The following CACNA2D1 variants were observed in gnomAD, a reference collection of about 807,000 sequenced individuals.
The protein encoded by CACNA2D1 is calcium voltage-gated channel auxiliary subunit alpha2delta 1, also known as voltage-dependent calcium channel subunit alpha-2/delta-1.
A neutral mutation model predicts 171.5 loss-of-function variants in CACNA2D1; 53 were observed. The observed-to-expected ratio is 0.31, with a 90% confidence interval of 0.25 to 0.39. The LOEUF (loss-of-function observed/expected upper bound fraction) is 0.39. Ranked by LOEUF, CACNA2D1 falls within the 10% of genes least tolerant of loss-of-function variation. CACNA2D1 has a pLI of 1.00. For missense variants in CACNA2D1, 903 were observed against 1,299.8 expected, an observed-to-expected ratio of 0.69 and a Z score of 4.69; for synonymous variants, 442 against 443.1, an observed-to-expected ratio of 1.00 and a Z score of 0.03.
At chr7:82,036,120 T>C (rs926975545) in intron 11 of CACNA2D1, among the ~76,000 whole-genome samples, 1 of 152,186 alleles carries the variant, frequency 6.6e-6, no homozygotes, top group Non-Finnish European at 1.5e-5. Context: ...TCAGAGAATG[T>C]AGAGTCACCT....
At chr7:82,259,182 A>G (rs940366122) in intron 3 of CACNA2D1, among the ~76,000 whole-genome samples, 1 of 151,342 alleles carries the variant, frequency 6.6e-6, no homozygotes, top group Non-Finnish European at 1.5e-5. Context: ...TGAATAAACA[A>G]TGAGATAGAT....
rs777084699 is a variant in CACNA2D1, at chr7:82,084,945, T to A, written c.527-45A>T. 3 of 1,443,318 alleles carry A rather than the reference T, an allele frequency of 2.1e-6. No homozygotes were observed. In the South Asian group the frequency reaches 3.4e-5, roughly 17 times the overall value. 89.4% of individuals were successfully genotyped at this position (1,443,318 alleles called of 1,614,324 possible). On this transcript the variant is annotated intron_variant, in intron 6 of 38. Coordinates refer to ENST00000356860, the MANE Select transcript of CACNA2D1 (RefSeq NM_000722.4). ...CCATTAATTAATTCAAATTTGTAATTAAAAACTGAATGTCTTCATTTATTT... is the reference window on the plus strand; with the variant it reads ...CCATTAATTAATTCAAATTTGTAATAAAAAACTGAATGTCTTCATTTATTT...
At chr7:81,968,606 A>C (rs927646356) in intron 29 of CACNA2D1, among the ~76,000 whole-genome samples, 4 of 151,342 alleles carry the variant, frequency 2.6e-5, no homozygotes, top group African/African-American at 4.8e-5. Flanking sequence ...TCCAACATTA[A>C]AAATTTTGAT....
intron 4 of CACNA2D1, among the ~76,000 whole-genome samples, chr7:82,149,912 G>C (rs1016171258): frequency 2.0e-5 from 3 of 151,898 alleles, no homozygotes; most frequent in Non-Finnish European, 4.4e-5. Context: ...AGCCGAGATC[G>C]CGCCACTGCA....
At chr7:81,999,492 A>G (rs1021475449) in intron 18 of CACNA2D1, among the ~76,000 whole-genome samples, 1 of 152,200 alleles carries the variant, frequency 6.6e-6, no homozygotes, top group Non-Finnish European at 1.5e-5. Context: ...ATGTTAACAA[A>G]TTTTAAATTG....
At position 81,968,942 on chromosome 7, in the gene CACNA2D1, A is replaced by G. The variant is rs1269444441; in HGVS notation, c.2340T>C (p.Ile780=). 6.3e-7 allele frequency: 1 copy of G among 1,594,792 alleles called. No individual in the cohort carries two copies. Among genetic ancestry groups the G allele is most frequent in the South Asian group, 1.1e-5 (1 of 90,106 alleles). Residue 780 remains isoleucine (I), a synonymous_variant, in exon 29 of 39, where the codon ATT becomes ATC. Coordinates refer to ENST00000356860, the MANE Select transcript of CACNA2D1 (RefSeq NM_000722.4). ...ATATTTCTACAGCTTTGCTTACCAT[A>G]ATGCCCGATTCATAGGCACCAGGTC... ...KSGPGAYESG[I]MVSKAVEIYI...
At chr7:82,081,793 C>T (rs553815476) in intron 7 of CACNA2D1, among the ~76,000 whole-genome samples, 5 of 152,298 alleles carry the variant, frequency 3.3e-5, no homozygotes, top group Admixed American at 6.5e-5. Flanking sequence ...GGTCAGCACC[C>T]GGCCTGCACT....
At chr7:82,222,989 C>T (rs2129255908) in intron 3 of CACNA2D1, among the ~76,000 whole-genome samples, 1 of 151,142 alleles carries the variant, frequency 6.6e-6, no homozygotes, top group African/African-American at 2.4e-5. Flanking sequence ...TCTTGGCTCA[C>T]CGCAACTCTG....
At chr7:81,986,043 AAC>A (rs1419335695) in intron 21 of CACNA2D1, among the ~76,000 whole-genome samples, 1 of 152,234 alleles carries the variant, frequency 6.6e-6, no homozygotes, top group Non-Finnish European at 1.5e-5. Context: ...ACTTTCCAAT[AAC>A]ACAACTGCAT....
Position 81,986,038 on chromosome 7 carries a change from C to T in CACNA2D1, c.1797-1327G>A, listed in dbSNP as rs548265352. On this transcript the variant is annotated intron_variant, in intron 21 of 38. Transcript: ENST00000356860. The stretch of plus-strand genomic sequence containing the variant: ...AGGATTTCAGAATTTTATGCACTTT[C>T]CAATAACACAACTGCATATGTGTAA... Among the ~76,000 whole-genome samples the T allele has an allele frequency of 7.9e-5, 12 of 152,294 alleles. No individual in the cohort carries two copies. The South Asian group carries it at 1.2e-3, about 16-fold the overall frequency.
chr7:82,011,473 T>C (rs1799768585), intron 15 of CACNA2D1, among the ~76,000 whole-genome samples: 1 of 152,162 alleles, frequency 6.6e-6, no homozygotes. Flanking sequence ...GACCCCCTTG[T>C]TGAGAACCAC....
chr7:82,215,004 A>C (rs1585119514), intron 3 of CACNA2D1, among the ~76,000 whole-genome samples: 2 of 152,208 alleles, frequency 1.3e-5, no homozygotes, highest in East Asian at 3.8e-4. Flanking sequence ...TGTTGAAACC[A>C]ACCCAATAGT....
intron 3 of CACNA2D1, among the ~76,000 whole-genome samples, chr7:82,333,609 A>T (rs1817647639): frequency 6.6e-6 from 1 of 151,882 alleles, no homozygotes; most frequent in African/African-American, 2.4e-5. Context: ...ACCTCCCACC[A>T]CATCCCTCCC....
At chr7:82,293,385 G>C (rs1811898264) in intron 3 of CACNA2D1, among the ~76,000 whole-genome samples, 1 of 152,064 alleles carries the variant, frequency 6.6e-6, no homozygotes, top group Non-Finnish European at 1.5e-5. Flanking sequence ...CCATATTTAA[G>C]AGTAAGACTT....
At chr7:82,181,767 T>C (rs1445109775) in intron 3 of CACNA2D1, among the ~76,000 whole-genome samples, 2 of 152,204 alleles carry the variant, frequency 1.3e-5, no homozygotes, top group African/African-American at 4.8e-5. Flanking sequence ...ATTCAGAAAT[T>C]TAATTGTAAC....
chr7:82,129,480 A>T (rs3801750), intron 5 of CACNA2D1, among the ~76,000 whole-genome samples: 26,030 of 152,100 alleles, frequency 0.17, 2,574 homozygotes, highest in East Asian at 0.34. Context: ...AGTACTTCTC[A>T]AACTTATTCT....
intron 3 of CACNA2D1, among the ~76,000 whole-genome samples, chr7:82,218,091 C>T (rs938104652): frequency 2.1e-4 from 32 of 151,906 alleles, no homozygotes; most frequent in Admixed American, 1.4e-3. Context: ...CCCACCACCA[C>T]GCCCGGCTAA....
chr7:82,332,823 G>A (rs1427618735), intron 3 of CACNA2D1, among the ~76,000 whole-genome samples: 1 of 152,108 alleles, frequency 6.6e-6, no homozygotes, highest in Non-Finnish European at 1.5e-5. Context: ...AACATAGGGA[G>A]ACCTCATCTC....
At chr7:81,965,477 T>C in intron 32 of CACNA2D1, 117 bp downstream of exon 32, 1 of 735,640 alleles carries the variant, frequency 1.4e-6, no homozygotes, top group East Asian at 2.5e-5. Context: ...TTACAAATTA[T>C]TGTATGACAG....
Sources: allele counts gnomAD v4.1 joint callset (sites outside exome capture counted in the v4.1 genomes callset), GRCh38; gene constraint gnomAD v4.1.1; transcripts MANE v1.5; gene names NCBI Gene and HGNC (gene_info 2026-07-23, HGNC 2026-07-21).